Variants in PTPA observed in about 807,000 individuals in gnomAD.
PTPA encodes serine/threonine-protein phosphatase 2A activator.
Under a neutral mutation model 43.6 loss-of-function variants are expected in PTPA, and 13 were observed. That is an observed-to-expected ratio of 0.30 (90% CI 0.19 to 0.47). The LOEUF (loss-of-function observed/expected upper bound fraction) is 0.47. Among genes scored for constraint, PTPA ranks in the 20% least tolerant of loss-of-function variants. The probability of loss-of-function intolerance (pLI) is 0.99; values close to 1 mark genes in which losing one functional copy is unlikely to be tolerated. For missense variants in PTPA, 329 were observed against 411.9 expected (o/e 0.80, Z 1.74); for synonymous variants, 172 against 158.2 (o/e 1.09, Z -0.66).
intron 7 of PTPA, among the ~76,000 whole-genome samples, 188 bp from the exon 8 acceptor site, chr9:129,137,404 C>T (rs977811321): frequency 1.2e-4 from 19 of 152,250 alleles, no homozygotes; most frequent in African/African-American, 4.1e-4. Context: ...ATGCGTCCAA[C>T]GCCATGCAGC....
Position 129,137,635 on chromosome 9 carries a change from C to A in PTPA, c.729C>A (p.Ala243=). ...CCAGACACTTTGTGGATGAGAAGGC[C>A]GTGAATGAGAACCACAAGGACTACA... is the stretch of plus-strand genomic sequence containing the variant. The part of the protein sequence containing the change: ...LEPRHFVDEK[A]VNENHKDYMF... Residue 243 remains alanine (A), a synonymous_variant, in exon 8 of 10, where the codon GCC becomes GCA. Transcript: ENST00000393370. The A allele has an allele frequency of 6.2e-7, 1 of 1,613,056 alleles. No individual in the cohort carries two copies. Among genetic ancestry groups the A allele is most frequent in the Non-Finnish European group, 8.5e-7 (1 of 1,179,564 alleles).
intron 9 of PTPA, chr9:129,142,901 G>T: frequency 2.0e-6 from 3 of 1,486,826 alleles, no homozygotes; most frequent in Non-Finnish European, 2.7e-6. Context: ...GGCAGTCTGA[G>T]TCTGGCTCTC....
intron 9 of PTPA, among the ~76,000 whole-genome samples, chr9:129,146,542 G>GT (rs1196308700): frequency 6.6e-6 from 1 of 152,260 alleles, no homozygotes; most frequent in Non-Finnish European, 1.5e-5. Context: ...AACATACTCT[G>GT]TTTTCTGTGG....
At chr9:129,113,523 CTTTGG>C (rs1848679208) in intron 1 of PTPA, among the ~76,000 whole-genome samples, 1 of 151,490 alleles carries the variant, frequency 6.6e-6, no homozygotes, top group South Asian at 2.1e-4. Context: ...AATCCCAGCA[CTTTGG>C]GAGGCCGACA....
At chr9:129,135,549 G>A (rs941845827) in intron 6 of PTPA, among the ~76,000 whole-genome samples, 1 of 152,214 alleles carries the variant, frequency 6.6e-6, no homozygotes, top group Non-Finnish European at 1.5e-5. Flanking sequence ...TGAGGAAACT[G>A]AGGCACAGAG....
At position 129,148,877 on chromosome 9, in the gene PTPA, C is replaced by G. The variant is rs927006445; in HGVS notation, c.*1413C>G. The stretch of plus-strand genomic sequence containing the variant: ...GACAGCCCTTCCTGGCTCCCCCATC[C>G]CCCTATGGGCTCCCAGCCCCTTGCA... On this transcript the variant is annotated 3_prime_UTR_variant, in exon 10 of 10. Coordinates refer to ENST00000393370, the MANE Select transcript of PTPA (RefSeq NM_178000.3). The G allele has an allele frequency of 6.5e-6, 1 of 152,676 alleles. No individual in the cohort carries two copies. The highest frequency in any genetic ancestry group is 1.5e-5 in the Non-Finnish European group (1 of 68,198). The allele number at this position is 152,676 out of a possible 1,614,324, so 9.5% of individuals were successfully genotyped here.
At chr9:129,113,597 C>G (rs1848686015) in intron 1 of PTPA, among the ~76,000 whole-genome samples, 1 of 151,736 alleles carries the variant, frequency 6.6e-6, no homozygotes, top group South Asian at 2.1e-4. Context: ...TGGCAAAACC[C>G]CGTCTGTATT....
chr9:129,115,061 A>G (rs955493817), intron 1 of PTPA, among the ~76,000 whole-genome samples: 2 of 152,118 alleles, frequency 1.3e-5, no homozygotes, highest in African/African-American at 2.4e-5. Flanking sequence ...GTGCAGTAGC[A>G]TGATCTTGGC....
Position 129,136,257 on chromosome 9 carries a change from G to A in PTPA, c.561-214G>A, listed in dbSNP as rs1172986854. On this transcript the variant is annotated intron_variant, in intron 6 of 9. Coordinates refer to ENST00000393370, the MANE Select transcript of PTPA (RefSeq NM_178000.3). ...GCTGGGATTACAGGCGTGAGCCACCGTGCCCGGGCCCTTAATCAGTGATTT... is the reference window on the plus strand; with the variant it reads ...GCTGGGATTACAGGCGTGAGCCACCATGCCCGGGCCCTTAATCAGTGATTT... Among the ~76,000 whole-genome samples, 5 of 152,162 alleles carry A rather than the reference G, an allele frequency of 3.3e-5. No individual in the cohort carries two copies. The South Asian group carries it at 6.2e-4, about 19-fold the overall frequency.
chr9:129,127,391 G>A (rs1849649105), intron 3 of PTPA, among the ~76,000 whole-genome samples: 1 of 152,202 alleles, frequency 6.6e-6, no homozygotes, highest in African/African-American at 2.4e-5. Context: ...CTTCTCATGT[G>A]GGCATCACCC....
At chr9:129,120,489 GTT>G (rs1564185513) in intron 1 of PTPA, 22 bp from the exon 2 acceptor site, 1 of 1,539,396 alleles carries the variant, frequency 6.5e-7, no homozygotes, top group Admixed American at 1.7e-5. Context: ...TTATCTGTTT[GTT>G]TTTTCATTTT....
intron 9 of PTPA, among the ~76,000 whole-genome samples, chr9:129,146,483 ACT>A (rs1564207055): frequency 6.6e-6 from 1 of 151,908 alleles, no homozygotes; most frequent in Non-Finnish European, 1.5e-5. Context: ...TGAGGCTCTT[ACT>A]CTCTCTGAGG....
At chr9:129,114,751 C>T (rs959775905) in intron 1 of PTPA, among the ~76,000 whole-genome samples, 2 of 152,088 alleles carry the variant, frequency 1.3e-5, no homozygotes, top group Admixed American at 1.3e-4. Context: ...ATCCACTGTC[C>T]CTTGGAACCT....
At chr9:129,127,924 C>T (rs1432569850) in intron 3 of PTPA, 2 of 1,219,248 alleles carry the variant, frequency 1.6e-6, no homozygotes. Context: ...AAATGTTATT[C>T]ACTTAGTAAA....
At chr9:129,129,729 A>G (rs997244093) in intron 4 of PTPA, among the ~76,000 whole-genome samples, 2 of 152,118 alleles carry the variant, frequency 1.3e-5, no homozygotes, top group African/African-American at 4.8e-5. Context: ...TCGGCCTCCC[A>G]AAGTGCTGGG....
chr9:129,117,849 G>A (rs572619549), intron 1 of PTPA, among the ~76,000 whole-genome samples: 10 of 150,898 alleles, frequency 6.6e-5, no homozygotes, highest in East Asian at 2.0e-4. Flanking sequence ...GGTGTGTGCC[G>A]TCATGTCAGG....
At chr9:129,142,760 C>A in intron 9 of PTPA, 1 of 1,536,440 alleles carries the variant, frequency 6.5e-7, no homozygotes, top group Non-Finnish European at 8.7e-7. Flanking sequence ...CCACCCCAGC[C>A]CCGAAAAGCT....
intron 9 of PTPA, chr9:129,143,304 A>T (rs1375105762): frequency 4.3e-6 from 3 of 702,878 alleles, no homozygotes; most frequent in Non-Finnish European, 7.8e-6. Flanking sequence ...GACCTTGGCC[A>T]GGGAAGGGCT....
intron 2 of PTPA, among the ~76,000 whole-genome samples, chr9:129,121,021 A>G (rs753010344): frequency 3.3e-5 from 5 of 152,210 alleles, no homozygotes; most frequent in Non-Finnish European, 7.3e-5. Context: ...GGCCAGGGAT[A>G]TGGCTAAGCC....
Sources: gnomAD v4.1 joint callset for allele counts (sites outside exome capture counted in the v4.1 genomes callset) on GRCh38, gnomAD v4.1.1 for gene constraint, MANE v1.5 for transcripts, NCBI Gene and HGNC (gene_info 2026-07-23, HGNC 2026-07-21) for gene names.